The following MBNL2 variants were observed in gnomAD, a reference collection of about 807,000 sequenced individuals.
The protein encoded by MBNL2 is muscleblind-like protein 2.
MBNL2 carries 17 observed loss-of-function variants against 41.9 expected under a neutral mutation model. The observed-to-expected ratio is 0.41, with a 90% CI of 0.28 to 0.61. MBNL2 has a LOEUF of 0.61. Ranked by LOEUF, MBNL2 falls within the 20% of genes least tolerant of loss-of-function variation. The pLI, the probability that MBNL2 is intolerant of heterozygous loss-of-function variation, is 0.35. For synonymous variants in MBNL2, 195 were observed against 182.9 expected (o/e 1.07, Z -0.53); for missense variants, 336 against 505.6 (o/e 0.66, Z 3.22).
intron 1 of MBNL2, among the ~76,000 whole-genome samples, chr13:97,229,872 C>T (rs563163736): frequency 2.6e-5 from 4 of 152,226 alleles, no homozygotes; most frequent in African/African-American, 4.8e-5. Flanking sequence ...GTGATGTCAC[C>T]GGCTAGAAAA....
At chr13:97,233,542 T>A (rs2042770693) in intron 1 of MBNL2, among the ~76,000 whole-genome samples, 1 of 151,856 alleles carries the variant, frequency 6.6e-6, no homozygotes, top group African/African-American at 2.4e-5. Flanking sequence ...GAGTCTTAGC[T>A]GGTGGAAGGA....
Position 97,334,571 on chromosome 13 carries a change from C to T in MBNL2, c.339+131C>T, listed in dbSNP as rs2060720110. On this transcript the variant is annotated intron_variant, in intron 3 of 8. Coordinates refer to ENST00000679496, the MANE Select transcript of MBNL2 (RefSeq NM_001382683.1). This position sits in a 1 kb window ranked among gnomAD's most constrained non-coding sequence, Gnocchi z 5.3. ...AATTAAAGCAAATAGCTTTAAAGCTCAATAGATGAAGGAAAATAGGCTTTT... is the reference window on the plus strand; with the variant it reads ...AATTAAAGCAAATAGCTTTAAAGCTTAATAGATGAAGGAAAATAGGCTTTT... The T allele has an allele frequency of 1.9e-6, 1 of 526,612 alleles. No homozygotes were observed. The highest frequency in any genetic ancestry group is 3.3e-5 in the East Asian group (1 of 30,456). 32.6% of individuals were successfully genotyped at this position (526,612 alleles called of 1,614,324 possible). A position where few individuals can be genotyped will look rare whatever the true frequency, so the allele number is the denominator to read the frequency against.
At chr13:97,272,777 A>C (rs2051326992) in intron 1 of MBNL2, among the ~76,000 whole-genome samples, 1 of 152,232 alleles carries the variant, frequency 6.6e-6, no homozygotes, top group Non-Finnish European at 1.5e-5. Context: ...TACAATGCAT[A>C]CGTATTTCAA....
chr13:97,162,041 A>G, the MBNL2 span, among the ~76,000 whole-genome samples: 1 of 152,146 alleles, frequency 6.6e-6, no homozygotes, highest in Non-Finnish European at 1.5e-5. Flanking sequence ...ATCAGATTCA[A>G]TCATGGAGGA....
chr13:97,365,890 T>C (rs1163882898), intron 8 of MBNL2, among the ~76,000 whole-genome samples: 1 of 152,226 alleles, frequency 6.6e-6, no homozygotes, highest in Non-Finnish European at 1.5e-5. Flanking sequence ...ATCAAGGCTA[T>C]GATGTTTGCT....
At position 97,267,483 on chromosome 13, in the gene MBNL2, A is replaced by G. The variant is rs112930666; in HGVS notation, c.-604-8149A>G. On this transcript the variant is annotated intron_variant, in intron 1 of 8. Transcript: ENST00000679496. The stretch of plus-strand genomic sequence containing the variant: ...CGAACTTCAGTCTTGCCTTTTCTTT[A>G]AAGATGAGTCAAGCAGTGAACCTGG... Among the ~76,000 whole-genome samples, 1,175 of 152,236 alleles carry G rather than the reference A, an allele frequency of 7.7e-3. 10 individuals are homozygous for G. Among genetic ancestry groups the G allele is most frequent in the Non-Finnish European group, 0.012 (786 of 68,030 alleles).
At chr13:97,344,738 C>T (rs1012390834) in intron 4 of MBNL2, among the ~76,000 whole-genome samples, 1 of 152,198 alleles carries the variant, frequency 6.6e-6, no homozygotes, top group Non-Finnish European at 1.5e-5. Context: ...GCTGGACCCA[C>T]GGAGCTTTTG....
chr13:97,150,390 A>G, the MBNL2 span, among the ~76,000 whole-genome samples: 2 of 152,172 alleles, frequency 1.3e-5, no homozygotes, highest in African/African-American at 2.4e-5. Flanking sequence ...GAGTTTTTAG[A>G]CCTACAGGTC....
chr13:97,365,070 C>T, intron 7 of MBNL2, 66 bp from the exon 8 acceptor site: 1 of 1,011,964 alleles, frequency 9.9e-7, no homozygotes, highest in Non-Finnish European at 1.6e-6. Context: ...TGAATGTTAA[C>T]TCTAAACCGC....
At chr13:97,203,761 C>T in the MBNL2 span, among the ~76,000 whole-genome samples, 1 of 152,168 alleles carries the variant, frequency 6.6e-6, no homozygotes, top group Non-Finnish European at 1.5e-5. Context: ...TTATCAATCT[C>T]CCTCTTCTCC....
chr13:97,357,370 C>A, intron 6 of MBNL2, 112 bp from the exon 7 acceptor site: 2 of 840,814 alleles, frequency 2.4e-6, no homozygotes, highest in Non-Finnish European at 3.9e-6. Context: ...ATGGCAGAGG[C>A]ATCTCCTTAG....
chr13:97,156,241 GTTGT>G, the MBNL2 span, among the ~76,000 whole-genome samples: 1 of 126,312 alleles, frequency 7.9e-6, no homozygotes, highest in Non-Finnish European at 1.6e-5. Flanking sequence ...TTTTGATGGG[GTTGT>G]TTGTTTTTTT....
intron 8 of MBNL2, among the ~76,000 whole-genome samples, chr13:97,384,253 G>A (rs1039389195): frequency 4.6e-5 from 7 of 152,026 alleles, no homozygotes; most frequent in Non-Finnish European, 1.0e-4. Flanking sequence ...TCTTGAAAGT[G>A]TACATTTGTT....
chr13:97,184,382 G>C, the MBNL2 span, among the ~76,000 whole-genome samples: 10 of 152,220 alleles, frequency 6.6e-5, no homozygotes, highest in South Asian at 1.5e-3. Flanking sequence ...CTGCTCCCTG[G>C]GTTCCATGAT....
the MBNL2 span, among the ~76,000 whole-genome samples, chr13:97,199,513 T>C: frequency 6.6e-6 from 1 of 152,210 alleles, no homozygotes; most frequent in African/African-American, 2.4e-5. Context: ...GTGGAATGAA[T>C]GAATAAACAT....
chr13:97,356,167 T>C (rs1318755868), intron 5 of MBNL2, among the ~76,000 whole-genome samples: 1 of 152,204 alleles, frequency 6.6e-6, no homozygotes, highest in African/African-American at 2.4e-5. Context: ...GAGACAATTA[T>C]CCACATGATT....
chr13:97,288,443 G>A (rs1469243987), intron 2 of MBNL2, among the ~76,000 whole-genome samples: 2 of 152,202 alleles, frequency 1.3e-5, no homozygotes, highest in Non-Finnish European at 2.9e-5. Context: ...TGAGGGTGGG[G>A]AAGGAAAGAG....
the MBNL2 span, among the ~76,000 whole-genome samples, chr13:97,165,448 T>C: frequency 2.6e-5 from 4 of 152,178 alleles, no homozygotes; most frequent in Non-Finnish European, 5.9e-5. Context: ...CTGACATCAT[T>C]TTTAAAATGC....
At chr13:97,369,663 C>T (rs774371913) in intron 8 of MBNL2, among the ~76,000 whole-genome samples, 3 of 152,126 alleles carry the variant, frequency 2.0e-5, no homozygotes, top group Non-Finnish European at 4.4e-5. Context: ...CCCATGACAG[C>T]TTCTTAGGTC....
Sources: allele counts gnomAD v4.1 joint callset (sites outside exome capture counted in the v4.1 genomes callset), GRCh38; gene constraint gnomAD v4.1.1; non-coding constraint Gnocchi (gnomAD v3.1); transcripts MANE v1.5; gene names NCBI Gene and HGNC (gene_info 2026-07-23, HGNC 2026-07-21).